The following ASXL1 variants were observed in gnomAD, a reference collection of about 807,000 sequenced individuals.
The protein encoded by ASXL1 is ASXL transcriptional regulator 1, also known as polycomb group protein ASXL1.
In ASXL1, 65 loss-of-function variants were observed where a neutral mutation model predicts 89.1. That is an observed-to-expected ratio of 0.73 (90% CI 0.60 to 0.90). The LOEUF is 0.90. Ranked by LOEUF, ASXL1 falls within the 40% of genes least tolerant of loss-of-function variation. The pLI, the probability that ASXL1 is intolerant of heterozygous loss-of-function variation, is 0.00. For missense variants in ASXL1, 1,786 were observed against 1,942.9 expected (o/e 0.92, Z 1.52); for synonymous variants, 739 against 746.9 (o/e 0.99, Z 0.17).
At chr20:32,360,080 AT>A (rs1411432883) in intron 1 of ASXL1, 8 of 446,358 alleles carry the variant, frequency 1.8e-5, no homozygotes, top group South Asian at 2.5e-5. Flanking sequence ...AAAAAAAAAA[AT>A]AGACTGTATT....
At chr20:32,378,002 G>GTGTGTGTGTGTGTGTGTGTGTGTT (rs2048416430) in intron 4 of ASXL1, among the ~76,000 whole-genome samples, 1 of 123,270 alleles carries the variant, frequency 8.1e-6, no homozygotes, top group Non-Finnish European at 1.8e-5. Context: ...GTGTGTGTGT[G>GTGTGTGTGTGTGTGTGTGTGTGTT]TTTTGGAGAC....
chr20:32,405,657 G>A (rs564791153), intron 4 of ASXL1, among the ~76,000 whole-genome samples: 32 of 152,038 alleles, frequency 2.1e-4, no homozygotes, highest in East Asian at 1.9e-3. Context: ...TTTGATTTTC[G>A]TGACCTTGAC....
At chr20:32,360,066 CA>C (rs3215635) in intron 1 of ASXL1, 134,802 of 327,040 alleles carry the variant, frequency 0.41, 12,629 homozygotes, top group East Asian at 0.55. Flanking sequence ...AGGTGTTGTG[CA>C]AAAAAAAAAA....
intron 4 of ASXL1, chr20:32,372,052 G>A (rs537149815): frequency 2.7e-4 from 348 of 1,290,016 alleles, no homozygotes; most frequent in Non-Finnish European, 3.4e-4. Flanking sequence ...AGTACCTTAA[G>A]GGCAGGAACT....
In ASXL1 at chr20:32,397,492, C is replaced by T. The variant is rs377439438; in HGVS notation, c.252+28369C>T. 2.3e-3 allele frequency among the ~76,000 whole-genome samples: 347 copies of T among 148,722 alleles called. 1 individual carries two copies. Among genetic ancestry groups the T allele is most frequent in the African/African-American group, 7.6e-3 (307 of 40,234 alleles). ...TCGGCTCGCTGCAGCCACTGCCTCC[C>T]GGGTTCAAGCAGTTCTCCTGCCTCA... On this transcript the variant is annotated intron_variant, in intron 4 of 12. Coordinates refer to ENST00000375687, the MANE Select transcript of ASXL1 (RefSeq NM_015338.6).
intron 4 of ASXL1, among the ~76,000 whole-genome samples, chr20:32,400,330 A>G (rs2048851447): frequency 6.6e-6 from 1 of 151,976 alleles, no homozygotes; most frequent in African/African-American, 2.4e-5. Flanking sequence ...GGATATTTGT[A>G]TTTCTACATA....
chr20:32,405,961 A>G (rs73243292), intron 4 of ASXL1, among the ~76,000 whole-genome samples: 3,238 of 151,814 alleles, frequency 0.021, 117 homozygotes, highest in African/African-American at 0.075. Context: ...TTGGAGTGCA[A>G]TGTCTCAAAA....
chr20:32,404,078 A>G (rs1363040683), intron 4 of ASXL1, among the ~76,000 whole-genome samples: 2 of 152,172 alleles, frequency 1.3e-5, no homozygotes, highest in Admixed American at 1.3e-4. Flanking sequence ...ATAGTTAACT[A>G]CAGTCACCAT....
At position 32,435,934 on chromosome 20, in the gene ASXL1, A is replaced by G. The variant is rs2011826929; in HGVS notation, c.3222A>G (p.Gln1074=). The G allele has an allele frequency of 6.2e-7, 1 of 1,614,064 alleles. No individual in the cohort carries two copies. ...SWVSRVCAVR[Q]KIPDSLLLAS... Reference sequence around the variant, plus strand: ...TGTCTCGAGTATGTGCGGTCCGCCAAAAGATCCCAGATTCCCTACTGCTGG... The same window carrying G: ...TGTCTCGAGTATGTGCGGTCCGCCAGAAGATCCCAGATTCCCTACTGCTGG... Residue 1074 remains glutamine (Q), a synonymous_variant, in exon 13 of 13, where the codon CAA becomes CAG. Coordinates refer to ENST00000375687, the MANE Select transcript of ASXL1 (RefSeq NM_015338.6).
Position 32,411,536 on chromosome 20 carries a change from C to CT in ASXL1, c.253-16571dup, listed in dbSNP as rs749530241. Among the ~76,000 whole-genome samples, 305 of 123,898 alleles carry CT rather than the reference C, an allele frequency of 2.5e-3. 1 individual carries two copies. The highest frequency in any genetic ancestry group is 0.023 in the East Asian group (89 of 3,850). 81.3% of individuals were successfully genotyped at this position (123,898 alleles called of 152,430 possible). ...AGCCACTGTGCCCGGCCATGGATTC[C>CT]TTTTTTTTTTTTTTTTTTTTTAAAA... On this transcript the variant is annotated intron_variant, in intron 4 of 12. Coordinates refer to ENST00000375687, the MANE Select transcript of ASXL1 (RefSeq NM_015338.6).
intron 4 of ASXL1, among the ~76,000 whole-genome samples, chr20:32,423,830 T>G (rs1043859863): frequency 6.6e-6 from 1 of 152,208 alleles, no homozygotes; most frequent in African/African-American, 2.4e-5. Flanking sequence ...ATTACAGGCT[T>G]GAGCCACTGC....
intron 4 of ASXL1, among the ~76,000 whole-genome samples, chr20:32,426,567 T>C (rs1316682706): frequency 7.9e-6 from 1 of 127,144 alleles, no homozygotes; most frequent in Non-Finnish European, 1.7e-5. Context: ...TTTTTTTTTT[T>C]TTTTTTTTTT....
rs763287860 is a variant in ASXL1, at chr20:32,435,377, G to C, written c.2665G>C (p.Ala889Pro). Reference protein sequence around the residue: ...DTRQENLKTKALVSNSSLHWI... With the variant: ...DTRQENLKTKPLVSNSSLHWI... ...TAGACAAGAAAACTTGAAAACCAAG[G>C]CTCTCGTTTCTAACAGTTCTTTGCA... Residue 889 changes from alanine to proline, a missense_variant, in exon 13 of 13, where the codon GCT (alanine) becomes CCT (proline). Transcript: ENST00000375687. 8 of 1,614,048 alleles carry C rather than the reference G, an allele frequency of 5.0e-6. No individual in the cohort carries two copies. The highest frequency in any genetic ancestry group is 1.1e-5 in the South Asian group (1 of 91,086).
chr20:32,426,554 C>CTTTTTTTTTTT (rs1177815042), intron 4 of ASXL1, among the ~76,000 whole-genome samples: 2 of 83,950 alleles, frequency 2.4e-5, no homozygotes, highest in African/African-American at 9.1e-5. Context: ...TTTTTTCTTT[C>CTTTTTTTTTTT]TTTTTTTTTT....
chr20:32,359,585 C>A, intron 1 of ASXL1: 1 of 674,462 alleles, frequency 1.5e-6, no homozygotes, highest in South Asian at 1.6e-5. Flanking sequence ...TGTTTGCCTT[C>A]AGAAGCTGGA....
At chr20:32,397,257 T>G (rs1178527082) in intron 4 of ASXL1, among the ~76,000 whole-genome samples, 1 of 120,580 alleles carries the variant, frequency 8.3e-6, no homozygotes, top group East Asian at 2.5e-4. Flanking sequence ...TGGCTTTTTT[T>G]TTTTTTTTTT....
At chr20:32,413,746 CTT>C (rs1466608651) in intron 4 of ASXL1, among the ~76,000 whole-genome samples, 1 of 152,210 alleles carries the variant, frequency 6.6e-6, no homozygotes, top group Non-Finnish European at 1.5e-5. Context: ...TTTCCTCGGA[CTT>C]TCCTTATATG....
rs1246893746 is a variant in ASXL1 at position 32,383,241 on chromosome 20, G to C, written c.252+14118G>C. On this transcript the variant is annotated intron_variant, in intron 4 of 12. Transcript: ENST00000375687. ...AGTAGCCTTTCATATCCTTAAATGT[G>C]AACCTGTTCCTTAGGCTGGAGTTTT... 2.0e-5 allele frequency among the ~76,000 whole-genome samples: 3 copies of C among 151,816 alleles called. No homozygotes were observed. In the East Asian group the frequency reaches 5.8e-4, roughly 29 times the overall value.
In ASXL1 at chr20:32,436,348, C is replaced by A. The variant is rs2011873461; in HGVS notation, c.3636C>A (p.Ser1212=). 2.5e-6 allele frequency: 4 copies of A among 1,613,698 alleles called. No individual in the cohort carries two copies. The highest frequency in any genetic ancestry group is 1.3e-5 in the African/African-American group (1 of 74,932). ...KNCKAVPSFD[S]LHPVTNPITS... Reference sequence around the variant, plus strand: ...GCAAGGCAGTCCCAAGTTTTGACTCCCTCCATCCAGTGACAAATCCCATTA... The same window carrying A: ...GCAAGGCAGTCCCAAGTTTTGACTCACTCCATCCAGTGACAAATCCCATTA... Residue 1212 remains serine, a synonymous_variant, in exon 13 of 13, where the codon TCC becomes TCA. Transcript: ENST00000375687.
Sources: allele counts gnomAD v4.1 joint callset (sites outside exome capture counted in the v4.1 genomes callset), GRCh38; gene constraint gnomAD v4.1.1; transcripts MANE v1.5; gene names NCBI Gene and HGNC (gene_info 2026-07-23, HGNC 2026-07-21).